Variants in PPARGC1A observed in about 807,000 individuals in gnomAD.
PPARGC1A encodes the protein PPARG coactivator 1 alpha.
In PPARGC1A, 25 loss-of-function variants were observed where a neutral mutation model predicts 88.7. The observed-to-expected ratio is 0.28, with a 90% CI of 0.21 to 0.39. PPARGC1A has a LOEUF of 0.39. Ranked by LOEUF, PPARGC1A falls within the 10% of genes least tolerant of loss-of-function variation. PPARGC1A has a pLI of 1.00. For synonymous variants in PPARGC1A, 363 were observed against 355.6 expected (o/e 1.02, Z -0.24); for missense variants, 880 against 968.7 (o/e 0.91, Z 1.22).
the PPARGC1A span, among the ~76,000 whole-genome samples, chr4:24,299,487 G>T: frequency 3.3e-5 from 5 of 152,114 alleles, no homozygotes; most frequent in African/African-American, 1.2e-4. Flanking sequence ...GCAGTAATTT[G>T]CTAAATAAAG....
the PPARGC1A span, among the ~76,000 whole-genome samples, chr4:24,061,352 G>A: frequency 1.3e-5 from 2 of 152,214 alleles, no homozygotes; most frequent in Non-Finnish European, 1.5e-5. Context: ...AGCATCCTGT[G>A]CACCCTGAAT....
the PPARGC1A span, among the ~76,000 whole-genome samples, chr4:24,310,010 C>T: frequency 2.6e-5 from 4 of 152,076 alleles, no homozygotes; most frequent in Admixed American, 6.5e-5. Context: ...AAGAGTGACT[C>T]CTAGTTGAAC....
the PPARGC1A span, among the ~76,000 whole-genome samples, chr4:23,994,223 G>A: frequency 6.6e-6 from 1 of 152,092 alleles, no homozygotes; most frequent in African/African-American, 2.4e-5. Flanking sequence ...TAATTCCTGT[G>A]TTGTAGGAAG....
intron 7 of PPARGC1A, among the ~76,000 whole-genome samples, chr4:23,819,248 A>G (rs1308922508): frequency 2.0e-5 from 3 of 152,092 alleles, no homozygotes; most frequent in Admixed American, 6.5e-5. Flanking sequence ...GCTCCACAAG[A>G]CCCAGCAACT....
chr4:24,035,063 G>A, the PPARGC1A span, among the ~76,000 whole-genome samples: 2 of 152,120 alleles, frequency 1.3e-5, no homozygotes, highest in African/African-American at 4.8e-5. Context: ...ACTAGGACTG[G>A]ATTTTGCTCA....
chr4:23,821,464 G>A (rs987266615), intron 7 of PPARGC1A, among the ~76,000 whole-genome samples: 1 of 151,944 alleles, frequency 6.6e-6, no homozygotes, highest in Non-Finnish European at 1.5e-5. Context: ...TCAATTTGAT[G>A]TGAAAATAGT....
At chr4:23,922,719 G>A in the PPARGC1A span, among the ~76,000 whole-genome samples, 5 of 152,184 alleles carry the variant, frequency 3.3e-5, no homozygotes, top group Non-Finnish European at 7.3e-5. Context: ...TTCCATCTAT[G>A]AATGAACAGA....
chr4:24,043,541 C>T, the PPARGC1A span, among the ~76,000 whole-genome samples: 6 of 152,106 alleles, frequency 3.9e-5, no homozygotes, highest in African/African-American at 1.4e-4. Flanking sequence ...TTTCCCTCTA[C>T]CAATACAGAA....
At chr4:24,003,596 G>GC in the PPARGC1A span, among the ~76,000 whole-genome samples, 4 of 152,086 alleles carry the variant, frequency 2.6e-5, no homozygotes, top group African/African-American at 9.7e-5. Flanking sequence ...AGCATTTTAA[G>GC]CATAAGACCA....
the PPARGC1A span, among the ~76,000 whole-genome samples, chr4:24,228,934 G>A: frequency 1.3e-5 from 2 of 152,100 alleles, no homozygotes; most frequent in African/African-American, 4.8e-5. Flanking sequence ...ATGCAGATAT[G>A]CAGGCTCCAA....
At chr4:24,269,166 ATT>A in the PPARGC1A span, among the ~76,000 whole-genome samples, 2 of 152,096 alleles carry the variant, frequency 1.3e-5, no homozygotes. Flanking sequence ...TGGGTTTTGC[ATT>A]TTTTGTTTTT....
the PPARGC1A span, among the ~76,000 whole-genome samples, chr4:24,109,021 ACACACACACACACAC>A: frequency 1.7e-3 from 224 of 132,556 alleles, no homozygotes; most frequent in African/African-American, 7.2e-3. Flanking sequence ...CACACACACC[ACACACACACACACAC>A]CACACACACA....
At chr4:24,422,029 T>G in the PPARGC1A span, among the ~76,000 whole-genome samples, 1,836 of 152,312 alleles carry the variant, frequency 0.012, 54 homozygotes, top group East Asian at 0.11. Flanking sequence ...TGAGTCGTAC[T>G]AAAAGGATTG....
chr4:24,324,139 G>A, the PPARGC1A span, among the ~76,000 whole-genome samples: 1 of 152,174 alleles, frequency 6.6e-6, no homozygotes, highest in Admixed American at 6.5e-5. Flanking sequence ...AACCACGCAG[G>A]GACGCCTGCC....
chr4:23,901,951 T>G (rs529025389), upstream of PPARGC1A, among the ~76,000 whole-genome samples: 69 of 152,250 alleles, frequency 4.5e-4, no homozygotes, highest in South Asian at 0.014. Context: ...AGTCCAAAAC[T>G]ATGCCAGCCA....
the PPARGC1A span, among the ~76,000 whole-genome samples, chr4:24,029,737 T>C: frequency 6.6e-6 from 1 of 152,170 alleles, no homozygotes; most frequent in African/African-American, 2.4e-5. Context: ...TTCACTCTTA[T>C]TGTTTATTTA....
chr4:24,063,701 T>C, the PPARGC1A span, among the ~76,000 whole-genome samples: 10 of 152,148 alleles, frequency 6.6e-5, no homozygotes, highest in Non-Finnish European at 1.5e-5. Context: ...GGCACTGGGC[T>C]GGAACCAAGA....
At chr4:24,243,344 C>T in the PPARGC1A span, among the ~76,000 whole-genome samples, 3 of 152,302 alleles carry the variant, frequency 2.0e-5, no homozygotes, top group Admixed American at 6.5e-5. Context: ...AGAAGCAGAG[C>T]ATCCCACCTC....
chr4:24,026,580 C>A, the PPARGC1A span, among the ~76,000 whole-genome samples: 1 of 151,686 alleles, frequency 6.6e-6, no homozygotes, highest in Non-Finnish European at 1.5e-5. Flanking sequence ...AAAAAAAAAA[C>A]TAAATTCTGT....
Sources: gnomAD v4.1 joint callset for allele counts (sites outside exome capture counted in the v4.1 genomes callset) on GRCh38, gnomAD v4.1.1 for gene constraint, MANE v1.5 for transcripts, NCBI Gene and HGNC (gene_info 2026-07-23, HGNC 2026-07-21) for gene names.